ACTR10: variants seen among roughly 807,000 people sequenced by gnomAD.
ACTR10 encodes the protein actin related protein 10.
Under a neutral mutation model 56.2 loss-of-function variants are expected in ACTR10, and 43 were observed. The observed-to-expected ratio is 0.77, with a 90% confidence interval of 0.60 to 0.99. The LOEUF is 0.99. ACTR10 is among the 50% of genes least tolerant of loss of function. The pLI, the probability that ACTR10 is intolerant of heterozygous loss-of-function variation, is 0.00. For missense variants in ACTR10, 466 were observed against 507.8 expected (o/e 0.92, Z 0.79); for synonymous variants, 170 against 176.3 (o/e 0.96, Z 0.28).
rs534729112 is a variant in ACTR10 at position 58,208,864 on chromosome 14, G to A, written c.234-135G>A. On this transcript the variant is annotated intron_variant, in intron 3 of 12. Coordinates refer to ENST00000254286, the MANE Select transcript of ACTR10 (RefSeq NM_018477.3). The stretch of plus-strand genomic sequence containing the variant: ...AGGTCAGAAATGTTATCTTTCTGGG[G>A]TAATAAAATGAAGATGTCTTTTTGT... The A allele has an allele frequency of 1.5e-4, 86 of 579,886 alleles. No individual in the cohort carries two copies. The South Asian group carries it at 1.6e-3, about 11-fold the overall frequency. The allele number at this position is 579,886 out of a possible 1,614,324, so 35.9% of individuals were successfully genotyped here.
intron 2 of ACTR10, among the ~76,000 whole-genome samples, chr14:58,206,640 A>G (rs902225469): frequency 1.2e-4 from 19 of 152,232 alleles, no homozygotes; most frequent in Non-Finnish European, 2.5e-4. Context: ...CCAATGATGC[A>G]TCAGAGTACT....
intron 2 of ACTR10, among the ~76,000 whole-genome samples, chr14:58,206,430 G>A (rs1390416159): frequency 3.3e-5 from 5 of 151,828 alleles, no homozygotes; most frequent in East Asian, 1.9e-4. Context: ...TGATCCACCC[G>A]CCTTGACCTC....
At chr14:58,221,827 A>C (rs1484770150) in intron 8 of ACTR10, among the ~76,000 whole-genome samples, 9 of 152,092 alleles carry the variant, frequency 5.9e-5, no homozygotes. Context: ...CTGAGGTAGG[A>C]GGATCACTTG....
intron 4 of ACTR10, 113 bp downstream of exon 4, chr14:58,209,220 C>A: frequency 2.9e-6 from 2 of 698,634 alleles, no homozygotes; most frequent in Non-Finnish European, 4.6e-6. Flanking sequence ...TTGGTAGGTA[C>A]TCAAAACTTA....
At chr14:58,205,682 T>C (rs1340454516) in intron 2 of ACTR10, among the ~76,000 whole-genome samples, 1 of 152,130 alleles carries the variant, frequency 6.6e-6, no homozygotes. Flanking sequence ...CTGCAAATCC[T>C]TGGACAAGCC....
chr14:58,230,599 A>G, intron 11 of ACTR10, 119 bp downstream of exon 11: 1 of 434,212 alleles, frequency 2.3e-6, no homozygotes, highest in Non-Finnish European at 4.0e-6. Flanking sequence ...TGTGTCAACA[A>G]CTAATCTGCT....
Position 58,232,062 on chromosome 14 carries a change from A to G in ACTR10, c.871-4A>G. The G allele has an allele frequency of 1.2e-6, 2 of 1,600,148 alleles. No homozygotes were observed. Among genetic ancestry groups the G allele is most frequent in the African/African-American group, 1.3e-5 (1 of 74,354 alleles). ...AATCCTTCTTTTTTTCTTTTTAATAACAGTGTCCGATAGACACCAGGAAGC... is the reference window on the plus strand; with the variant it reads ...AATCCTTCTTTTTTTCTTTTTAATAGCAGTGTCCGATAGACACCAGGAAGC... On this transcript the variant is annotated splice_polypyrimidine_tract_variant and splice_region_variant and intron_variant, in intron 11 of 12. Transcript: ENST00000254286.
At chr14:58,211,152 A>G in intron 4 of ACTR10, 140 bp from the exon 5 acceptor site, 1 of 579,772 alleles carries the variant, frequency 1.7e-6, no homozygotes, top group South Asian at 2.3e-5. Context: ...TTACTCTCAT[A>G]AAATGGTTGA....
At chr14:58,201,728 G>A (rs1409454203) in intron 1 of ACTR10, among the ~76,000 whole-genome samples, 1 of 152,178 alleles carries the variant, frequency 6.6e-6, no homozygotes, top group African/African-American at 2.4e-5. Flanking sequence ...AATGAAATAT[G>A]TGGTTTTAAA....
At position 58,207,948 on chromosome 14, in the gene ACTR10, G is replaced by C; in HGVS notation, c.163G>C (p.Val55Leu). 6.8e-7 allele frequency: 1 copy of C among 1,478,640 alleles called. No individual in the cohort carries two copies. The highest frequency in any genetic ancestry group is 8.9e-7 in the Non-Finnish European group (1 of 1,117,390). The allele number at this position is 1,478,640 out of a possible 1,614,324, so 91.6% of individuals were successfully genotyped here. ...TAATTTTTTACAGCCTGTCAGAGTT[G>C]TTCAGTATAATATCAATACAGAAGA... is the stretch of plus-strand genomic sequence containing the variant. The part of the protein sequence containing the change: ...RAGMPKPVRV[V>L]QYNINTEELY... The change falls in exon 3 of 13, where the codon GTT (valine) becomes CTT (leucine). Residue 55 changes from valine (V) to leucine (L), a missense_variant. Transcript: ENST00000254286.
intron 8 of ACTR10, among the ~76,000 whole-genome samples, chr14:58,221,490 G>C (rs940863794): frequency 2.6e-5 from 4 of 151,968 alleles, no homozygotes; most frequent in Non-Finnish European, 5.9e-5. Context: ...CTATTTAGAG[G>C]GGCTGAGGTG....
chr14:58,217,945 AT>A (rs893107465), intron 7 of ACTR10, among the ~76,000 whole-genome samples: 2 of 151,900 alleles, frequency 1.3e-5, no homozygotes, highest in Non-Finnish European at 2.9e-5. Flanking sequence ...AAATGTAAGC[AT>A]TTTTTTTAGA....
chr14:58,210,162 A>G (rs1299075668), intron 4 of ACTR10, among the ~76,000 whole-genome samples: 2 of 152,254 alleles, frequency 1.3e-5, no homozygotes, highest in African/African-American at 4.8e-5. Flanking sequence ...TTATTTAGAT[A>G]AGGGGAATAC....
intron 10 of ACTR10, among the ~76,000 whole-genome samples, chr14:58,226,300 G>C (rs1303460953): frequency 6.6e-6 from 1 of 151,408 alleles, no homozygotes; most frequent in Non-Finnish European, 1.5e-5. Context: ...TTTTTGTAGA[G>C]ATAGAGTCTC....
intron 7 of ACTR10, 39 bp downstream of exon 7, chr14:58,215,323 C>G (rs112602529): frequency 7.6e-6 from 10 of 1,313,554 alleles, no homozygotes; most frequent in African/African-American, 1.5e-5. Context: ...GGTTTACACT[C>G]TCTTTTTGTT....
intron 7 of ACTR10, among the ~76,000 whole-genome samples, chr14:58,216,709 G>A (rs67724011): frequency 0.09 from 13,717 of 152,128 alleles, 895 homozygotes; most frequent in African/African-American, 0.18. Context: ...GCCTAGTTTG[G>A]TTTTTGATCC....
intron 1 of ACTR10, among the ~76,000 whole-genome samples, chr14:58,200,598 C>T (rs888041944): frequency 2.5e-4 from 38 of 152,180 alleles, no homozygotes; most frequent in Non-Finnish European, 1.5e-5. Context: ...GGATGACAAC[C>T]GTGACCTAGA....
At chr14:58,210,270 G>GA (rs911628130) in intron 4 of ACTR10, among the ~76,000 whole-genome samples, 10 of 152,014 alleles carry the variant, frequency 6.6e-5, no homozygotes, top group Non-Finnish European at 1.0e-4. Context: ...AATTCTTACT[G>GA]AAAAAAATGT....
intron 7 of ACTR10, among the ~76,000 whole-genome samples, chr14:58,216,987 T>C (rs886561259): frequency 2.0e-5 from 3 of 152,228 alleles, no homozygotes; most frequent in African/African-American, 7.2e-5. Context: ...CACTTAGGCA[T>C]ACCTATGTTT....
Sources: gnomAD v4.1 joint callset for allele counts (sites outside exome capture counted in the v4.1 genomes callset) on GRCh38, gnomAD v4.1.1 for gene constraint, MANE v1.5 for transcripts, NCBI Gene and HGNC (gene_info 2026-07-23, HGNC 2026-07-21) for gene names.